Variants in GAB3 observed in about 807,000 individuals in gnomAD.
GAB3 encodes the protein GRB2 associated binding protein 3.
In GAB3, 12 loss-of-function variants were observed where a neutral mutation model predicts 40.4. The ratio of observed to expected loss-of-function variants is 0.30; its 90% CI spans 0.19 to 0.48. The LOEUF is 0.48. Ranked by LOEUF, GAB3 falls within the 20% of genes least tolerant of loss-of-function variation. GAB3 has a pLI of 0.99. For synonymous variants in GAB3, 154 were observed against 176.7 expected (o/e 0.87, Z 1.02); for missense variants, 381 against 461.9 (o/e 0.82, Z 1.61).
chrX:154,678,105 A>G lies in GAB3; in HGVS notation c.*73T>C. ...ATCAGTGTGTTTTTAGTGGACAAAA[A>G]AAAAAAAAAAAGAAAAAACTCAAAC... On this transcript the variant is annotated 3_prime_UTR_variant, in exon 10 of 10. Coordinates refer to ENST00000424127, the MANE Select transcript of GAB3 (RefSeq NM_001081573.3). 1 of 539,750 alleles carries G rather than the reference A, an allele frequency of 1.9e-6. No individual in the cohort carries two copies. The highest frequency in any genetic ancestry group is 2.4e-5 in the African/African-American group (1 of 42,175). 44.5% of individuals were successfully genotyped at this position (539,750 alleles called of 1,213,427 possible). A position where few individuals can be genotyped will look rare whatever the true frequency, so the allele number is the denominator to read the frequency against.
Position 154,675,643 on chromosome X carries a change from A to C in GAB3, c.*2535T>G, listed in dbSNP as rs1300767445. Reference sequence around the variant, plus strand: ...GGAATTTTCTAACGAGGTGAGACAGAAGAAAATGAAACAAAAAGGAACTAC... The same window carrying C: ...GGAATTTTCTAACGAGGTGAGACAGCAGAAAATGAAACAAAAAGGAACTAC... On this transcript the variant is annotated 3_prime_UTR_variant, in exon 10 of 10. Transcript: ENST00000424127. 8.9e-6 allele frequency: 1 copy of C among 112,401 alleles called. No individual in the cohort carries two copies. The highest frequency in any genetic ancestry group is 1.9e-5 in the Non-Finnish European group (1 of 53,297). 9.3% of individuals were successfully genotyped at this position (112,401 alleles called of 1,213,427 possible). A position where few individuals can be genotyped will look rare whatever the true frequency, so the allele number is the denominator to read the frequency against.
intron 1 of GAB3, among the ~76,000 whole-genome samples, chrX:154,728,767 A>G: frequency 8.9e-6 from 1 of 112,461 alleles, no homozygotes; most frequent in Non-Finnish European, 1.9e-5. Context: ...GACGTTGCCC[A>G]TCTTGGTCCC....
At chrX:154,734,704 G>A (rs986628039) in intron 1 of GAB3, among the ~76,000 whole-genome samples, 1 of 111,893 alleles carries the variant, frequency 8.9e-6, no homozygotes, top group Non-Finnish European at 1.9e-5. Flanking sequence ...AGTAAACAGA[G>A]GGGCTGCTTT....
chrX:154,713,477 C>T (rs1603426179), intron 2 of GAB3, 51 bp from the exon 3 acceptor site: 1 of 1,008,154 alleles, frequency 9.9e-7, no homozygotes. Flanking sequence ...ATAACACGCA[C>T]TCAAAATTTC....
intron 1 of GAB3, among the ~76,000 whole-genome samples, chrX:154,725,367 C>T (rs1458779929): frequency 9.0e-6 from 1 of 111,638 alleles, no homozygotes; most frequent in Non-Finnish European, 1.9e-5. Flanking sequence ...TGCCTCCTAC[C>T]CATAAAACCA....
chrX:154,751,299 G>A (rs1161214569), upstream of GAB3, among the ~76,000 whole-genome samples: 16 of 88,147 alleles, frequency 1.8e-4, no homozygotes, highest in African/African-American at 6.8e-4. Flanking sequence ...GGGGGGTGTG[G>A]GGGGGGGAGC....
chrX:154,709,090 G>A (rs1453487447), intron 4 of GAB3, among the ~76,000 whole-genome samples: 1 of 109,094 alleles, frequency 9.2e-6, no homozygotes, highest in African/African-American at 3.3e-5. Context: ...GCTGTCTTGT[G>A]ATAGAGCTCT....
At chrX:154,693,695 A>C (rs1317523163) in intron 8 of GAB3, among the ~76,000 whole-genome samples, 1 of 111,731 alleles carries the variant, frequency 9.0e-6, no homozygotes, top group Non-Finnish European at 1.9e-5. Context: ...TCAAACTCAT[A>C]GAACTGCACA....
chrX:154,693,532 G>C (rs2070604390), intron 8 of GAB3, among the ~76,000 whole-genome samples: 1 of 111,954 alleles, frequency 8.9e-6, no homozygotes, highest in Non-Finnish European at 1.9e-5. Flanking sequence ...TGGCATTCTT[G>C]AAAGGACAAT....
At chrX:154,720,997 C>T (rs181036830) in intron 1 of GAB3, among the ~76,000 whole-genome samples, 1 of 111,593 alleles carries the variant, frequency 9.0e-6, no homozygotes, top group Non-Finnish European at 1.9e-5. Context: ...GAAAACTCTA[C>T]AGGTCAAAAG....
chrX:154,707,264 A>G (rs2070825986), intron 4 of GAB3, among the ~76,000 whole-genome samples: 1 of 111,927 alleles, frequency 8.9e-6, no homozygotes, highest in Non-Finnish European at 1.9e-5. Context: ...TTATTCCAGA[A>G]ATGCCAAGGT....
chrX:154,727,676 A>C (rs193269900), intron 1 of GAB3, among the ~76,000 whole-genome samples: 31 of 112,430 alleles, frequency 2.8e-4, no homozygotes, highest in African/African-American at 9.0e-4. Flanking sequence ...TTTATGTGCT[A>C]GGAGCTGGAG....
intron 6 of GAB3, among the ~76,000 whole-genome samples, chrX:154,698,504 G>A (rs1009349755): frequency 5.4e-5 from 6 of 111,227 alleles, no homozygotes; most frequent in African/African-American, 2.0e-4. Flanking sequence ...ACAGCCACCT[G>A]AAGTGACTTT....
At chrX:154,744,209 T>C (rs1191297324) in intron 1 of GAB3, among the ~76,000 whole-genome samples, 1 of 36,459 alleles carries the variant, frequency 2.7e-5, no homozygotes, top group Non-Finnish European at 4.1e-5. Flanking sequence ...TGAGATTCCA[T>C]CTCAAAAAAA....
chrX:154,687,391 G>C (rs1557248090), intron 8 of GAB3, among the ~76,000 whole-genome samples: 1 of 110,353 alleles, frequency 9.1e-6, no homozygotes, highest in East Asian at 2.8e-4. Context: ...CAGCACTTTG[G>C]GAGGCTGAGG....
At chrX:154,691,432 TAAAAA>T (rs2070565543) in intron 8 of GAB3, among the ~76,000 whole-genome samples, 1 of 105,966 alleles carries the variant, frequency 9.4e-6, no homozygotes, top group African/African-American at 3.4e-5. Context: ...AATAAATAAA[TAAAAA>T]AGAAAAAAAA....
chrX:154,728,270 C>T (rs1261250406), intron 1 of GAB3, among the ~76,000 whole-genome samples: 1 of 112,019 alleles, frequency 8.9e-6, no homozygotes, highest in African/African-American at 3.2e-5. Flanking sequence ...CGTTTTGATC[C>T]TTCAATACTG....
At chrX:154,719,383 G>A (rs2071093557) in intron 1 of GAB3, among the ~76,000 whole-genome samples, 1 of 112,100 alleles carries the variant, frequency 8.9e-6, no homozygotes, top group African/African-American at 3.2e-5. Flanking sequence ...AAGATGCTAT[G>A]GGAACAAACA....
intron 1 of GAB3, among the ~76,000 whole-genome samples, chrX:154,748,416 A>C (rs1249013328): frequency 8.9e-6 from 1 of 112,060 alleles, no homozygotes; most frequent in African/African-American, 3.2e-5. Flanking sequence ...GTAGCGGGGT[A>C]GGGGAAATTT....
Sources: allele counts gnomAD v4.1 joint callset (sites outside exome capture counted in the v4.1 genomes callset), GRCh38; gene constraint gnomAD v4.1.1; transcripts MANE v1.5; gene names NCBI Gene and HGNC (gene_info 2026-07-23, HGNC 2026-07-21).